TENM2: variants seen among roughly 807,000 people sequenced by gnomAD.
The protein encoded by TENM2 is teneurin-2.
A neutral mutation model predicts 245.2 loss-of-function variants in TENM2; 52 were observed. That is an observed-to-expected ratio of 0.21 (90% CI 0.17 to 0.27). The LOEUF (loss-of-function observed/expected upper bound fraction) is 0.27, where lower values mean the gene tolerates loss of function less well. Among genes scored for constraint, TENM2 ranks in the 10% least tolerant of loss-of-function variants. TENM2 has a pLI of 1.00. For missense variants in TENM2, 3,046 were observed against 3,666.8 expected, an observed-to-expected ratio of 0.83 and a Z score of 4.37; for synonymous variants, 1,363 against 1,438.9, an observed-to-expected ratio of 0.95 and a Z score of 1.19.
intron 1 of TENM2, among the ~76,000 whole-genome samples, chr5:167,354,836 TG>T (rs1392533319): frequency 6.6e-6 from 1 of 152,192 alleles, no homozygotes; most frequent in Non-Finnish European, 1.5e-5. Flanking sequence ...GTTTGTTGAA[TG>T]AAGAAATGAA....
chr5:167,758,788 A>G (rs986101175), intron 2 of TENM2, among the ~76,000 whole-genome samples: 1 of 152,150 alleles, frequency 6.6e-6, no homozygotes, highest in East Asian at 1.9e-4. Flanking sequence ...AACCTTGACC[A>G]CAACTGTTTA....
At chr5:167,069,867 C>A in the TENM2 span, among the ~76,000 whole-genome samples, 3 of 151,590 alleles carry the variant, frequency 2.0e-5, no homozygotes, top group Non-Finnish European at 4.4e-5. Context: ...TAAACTGTAA[C>A]AGAAATTTCT....
chr5:167,659,802 A>G (rs1755086638), intron 2 of TENM2, among the ~76,000 whole-genome samples: 1 of 152,146 alleles, frequency 6.6e-6, no homozygotes, highest in African/African-American at 2.4e-5. Context: ...TCCTCTACTC[A>G]TACAAAAAGC....
the TENM2 span, among the ~76,000 whole-genome samples, chr5:167,245,085 C>G: frequency 6.6e-6 from 1 of 152,124 alleles, no homozygotes; most frequent in South Asian, 2.1e-4. Context: ...ATTTTAATTC[C>G]TCTGCTGGTT....
chr5:167,872,263 C>A (rs1460707103), intron 2 of TENM2, among the ~76,000 whole-genome samples: 57 of 132,122 alleles, frequency 4.3e-4, no homozygotes, highest in African/African-American at 1.4e-3. Context: ...ACAAGCAAGA[C>A]CATGTCAAAA....
intron 12 of TENM2, among the ~76,000 whole-genome samples, chr5:168,137,627 A>G (rs1198732870): frequency 6.6e-6 from 1 of 152,216 alleles, no homozygotes; most frequent in Non-Finnish European, 1.5e-5. Flanking sequence ...GTTTCCCTAT[A>G]TTAGGTGTGT....
chr5:167,017,252 A>G, the TENM2 span, among the ~76,000 whole-genome samples: 49 of 152,344 alleles, frequency 3.2e-4, no homozygotes, highest in East Asian at 8.1e-3. Flanking sequence ...TTTTCATTTC[A>G]GAAGCCCAAG....
At chr5:167,754,975 C>T (rs970456067) in intron 2 of TENM2, 13 of 1,542,722 alleles carry the variant, frequency 8.4e-6, no homozygotes, top group Non-Finnish European at 1.1e-5. Flanking sequence ...TCAGCTGTGT[C>T]AGACTGGGAC....
rs1260002402 is a variant in TENM2 at position 167,498,355 on chromosome 5, T to TA, written c.502+122883dup. Reference sequence around the variant, plus strand: ...GAGACCTGTCTAGTGAATGAATTCTTACGTCAATGATCATGCTTCCTTCTT... The same window carrying TA: ...GAGACCTGTCTAGTGAATGAATTCTTAACGTCAATGATCATGCTTCCTTCTT... On this transcript the variant is annotated intron_variant, in intron 2 of 28. Transcript: ENST00000518659. Among the ~76,000 whole-genome samples, 29 of 152,088 alleles carry TA rather than the reference T, an allele frequency of 1.9e-4. 1 individual carries two copies. Among genetic ancestry groups the TA allele is most frequent in the African/African-American group, 6.5e-4 (27 of 41,416 alleles).
intron 24 of TENM2, among the ~76,000 whole-genome samples, chr5:168,227,134 CCAGA>C (rs1245206146): frequency 3.3e-5 from 5 of 152,120 alleles, no homozygotes; most frequent in South Asian, 2.1e-4. Flanking sequence ...GCTCCTTTGC[CCAGA>C]CAGTCAGGAA....
chr5:167,976,754 T>C (rs1289066265), intron 4 of TENM2, among the ~76,000 whole-genome samples: 1 of 152,240 alleles, frequency 6.6e-6, no homozygotes, highest in Non-Finnish European at 1.5e-5. Flanking sequence ...CTGTTTATAA[T>C]ACAGTGCTTA....
chr5:168,037,457 G>A (rs1467668357), intron 5 of TENM2, among the ~76,000 whole-genome samples: 1 of 151,046 alleles, frequency 6.6e-6, no homozygotes, highest in Non-Finnish European at 1.5e-5. Flanking sequence ...GATTCTAGCT[G>A]TGAATAAACT....
At chr5:167,468,146 A>G (rs935125446) in intron 2 of TENM2, among the ~76,000 whole-genome samples, 15 of 152,154 alleles carry the variant, frequency 9.9e-5, no homozygotes, top group Non-Finnish European at 1.9e-4. Context: ...CATGCTGTCC[A>G]GGCTGGTCTT....
intron 2 of TENM2, among the ~76,000 whole-genome samples, chr5:167,588,298 T>C (rs1775641570): frequency 6.6e-6 from 1 of 152,226 alleles, no homozygotes; most frequent in South Asian, 2.1e-4. Flanking sequence ...CTGGTGACAG[T>C]GCTTAGGTCT....
intron 1 of TENM2, among the ~76,000 whole-genome samples, chr5:167,341,483 G>A (rs1333667948): frequency 6.6e-6 from 1 of 151,446 alleles, no homozygotes; most frequent in Non-Finnish European, 1.5e-5. Flanking sequence ...TTCTTTTCAT[G>A]TATTGTTTTC....
At chr5:167,313,346 A>G (rs1367210179) in intron 1 of TENM2, among the ~76,000 whole-genome samples, 1 of 152,140 alleles carries the variant, frequency 6.6e-6, no homozygotes, top group Non-Finnish European at 1.5e-5. Context: ...CATACATAAA[A>G]TACACTAATA....
chr5:167,100,398 C>A, the TENM2 span, among the ~76,000 whole-genome samples: 3 of 152,282 alleles, frequency 2.0e-5, no homozygotes, highest in Non-Finnish European at 4.4e-5. Flanking sequence ...CCGGCGCTCA[C>A]TGGCCGCTGT....
At chr5:167,783,799 G>A (rs1486467765) in intron 2 of TENM2, among the ~76,000 whole-genome samples, 3 of 152,088 alleles carry the variant, frequency 2.0e-5, no homozygotes, top group African/African-American at 7.2e-5. Flanking sequence ...GATGGTGTGG[G>A]AGCCCTGGGC....
the TENM2 span, among the ~76,000 whole-genome samples, chr5:167,069,648 G>T: frequency 9.2e-5 from 14 of 152,128 alleles, no homozygotes; most frequent in African/African-American, 3.4e-4. Context: ...TCTATTCCAA[G>T]TGAATTTATT....
Sources: gnomAD v4.1 joint callset for allele counts (sites outside exome capture counted in the v4.1 genomes callset) on GRCh38, gnomAD v4.1.1 for gene constraint, MANE v1.5 for transcripts, NCBI Gene and HGNC (gene_info 2026-07-23, HGNC 2026-07-21) for gene names.